The following C2CD5 variants were observed in gnomAD, a reference collection of about 807,000 sequenced individuals.
The protein encoded by C2CD5 is C2 domain-containing protein 5.
In C2CD5, 109 loss-of-function variants were observed where a neutral mutation model predicts 130.3. The observed-to-expected ratio is 0.84, with a 90% CI of 0.72 to 0.98. The LOEUF is 0.98. Among genes scored for constraint, C2CD5 ranks in the 50% least tolerant of loss-of-function variants. The probability of loss-of-function intolerance (pLI) is 0.00; values close to 1 mark genes in which losing one functional copy is unlikely to be tolerated. For missense variants in C2CD5, 996 were observed against 1,261.8 expected, an observed-to-expected ratio of 0.79 and a Z score of 3.19; for synonymous variants, 454 against 429.2, an observed-to-expected ratio of 1.06 and a Z score of -0.71.
At chr12:22,513,416 G>A (rs1591932473) in intron 8 of C2CD5, 37 bp from the exon 9 acceptor site, 1 of 1,330,912 alleles carries the variant, frequency 7.5e-7, no homozygotes, top group Non-Finnish European at 1.1e-6. Flanking sequence ...AACCAAAAAA[G>A]CAACTATAGA....
intron 10 of C2CD5, among the ~76,000 whole-genome samples, chr12:22,500,982 G>C (rs1472362636): frequency 1.3e-5 from 2 of 151,972 alleles, no homozygotes. Context: ...CTACATATGA[G>C]AGCAATGGCT....
rs770746316 is a variant in C2CD5, at chr12:22,482,781, T to A, written c.1551-38A>T. 6.1e-6 allele frequency: 9 copies of A among 1,483,002 alleles called. No individual in the cohort carries two copies. In the Admixed American group the frequency reaches 1.7e-4, roughly 27 times the overall value. 91.9% of individuals were successfully genotyped at this position (1,483,002 alleles called of 1,614,324 possible). ...ATAAGTCAGTGAACAGTATTCTTGGTACCACCTTTAAAAATGTCCAAATTT... is the reference window on the plus strand; with the variant it reads ...ATAAGTCAGTGAACAGTATTCTTGGAACCACCTTTAAAAATGTCCAAATTT... On this transcript the variant is annotated intron_variant, in intron 13 of 26. Coordinates refer to ENST00000446597, the MANE Select transcript of C2CD5 (RefSeq NM_001286176.2).
chr12:22,493,423 G>A (rs1946612936), intron 10 of C2CD5, 86 bp from the exon 11 acceptor site: 1 of 639,212 alleles, frequency 1.6e-6, no homozygotes, highest in African/African-American at 1.9e-5. Context: ...CATACTATGG[G>A]AAGTAAAGAA....
intron 9 of C2CD5, chr12:22,512,660 A>G: frequency 1.3e-6 from 2 of 1,498,524 alleles, no homozygotes; most frequent in Non-Finnish European, 8.9e-7. Flanking sequence ...CCTTCTACAG[A>G]ACCTATGAGG....
intron 7 of C2CD5, among the ~76,000 whole-genome samples, chr12:22,518,551 A>G (rs1949982552): frequency 1.3e-5 from 2 of 152,190 alleles, no homozygotes; most frequent in Non-Finnish European, 2.9e-5. Flanking sequence ...CCTCAAAAGA[A>G]AAAAATGTTT....
intron 2 of C2CD5, among the ~76,000 whole-genome samples, chr12:22,536,039 A>T (rs1436648474): frequency 6.6e-6 from 1 of 152,152 alleles, no homozygotes; most frequent in African/African-American, 2.4e-5. Context: ...ATGGTAAAGC[A>T]ACACAATGTA....
intron 22 of C2CD5, among the ~76,000 whole-genome samples, chr12:22,466,834 A>G (rs187220267): frequency 1.3e-4 from 20 of 152,378 alleles, no homozygotes; most frequent in Admixed American, 8.5e-4. Context: ...CTTAGTATAG[A>G]AAGTTTTACA....
At chr12:22,503,126 G>C (rs1399606719) in intron 10 of C2CD5, among the ~76,000 whole-genome samples, 1 of 152,148 alleles carries the variant, frequency 6.6e-6, no homozygotes, top group Non-Finnish European at 1.5e-5. Flanking sequence ...ATAATCCATA[G>C]TTAGCAGGTG....
chr12:22,508,582 T>C (rs1948838842), intron 9 of C2CD5, among the ~76,000 whole-genome samples: 1 of 152,182 alleles, frequency 6.6e-6, no homozygotes, highest in African/African-American at 2.4e-5. Context: ...CGAATGGATT[T>C]ATTGTTAGGC....
At chr12:22,485,444 C>A (rs1394084669) in intron 12 of C2CD5, among the ~76,000 whole-genome samples, 1 of 150,506 alleles carries the variant, frequency 6.6e-6, no homozygotes. Flanking sequence ...TTTCATGTAC[C>A]CTATAAATAT....
chr12:22,489,068 G>A (rs2136410312), intron 12 of C2CD5, among the ~76,000 whole-genome samples: 1 of 151,714 alleles, frequency 6.6e-6, no homozygotes, highest in South Asian at 2.1e-4. Context: ...TGGAGACGGG[G>A]TTTCACCATG....
chr12:22,473,316 C>T (rs1198770928), intron 16 of C2CD5, among the ~76,000 whole-genome samples: 1 of 152,150 alleles, frequency 6.6e-6, no homozygotes, highest in South Asian at 2.1e-4. Context: ...GCTGGACAGG[C>T]GCTGACATTC....
chr12:22,527,029 T>C (rs1209216822), intron 4 of C2CD5, among the ~76,000 whole-genome samples: 3 of 152,190 alleles, frequency 2.0e-5, no homozygotes, highest in Non-Finnish European at 2.9e-5. Context: ...GGCATGTGCC[T>C]GCAATGGCAT....
intron 4 of C2CD5, among the ~76,000 whole-genome samples, chr12:22,527,315 T>TAC (rs1445484555): frequency 8.9e-5 from 12 of 134,386 alleles, no homozygotes; most frequent in Admixed American, 4.2e-4. Context: ...ATATATTATA[T>TAC]ACATATATAT....
chr12:22,496,468 G>A (rs138251014), intron 10 of C2CD5, among the ~76,000 whole-genome samples: 11 of 152,012 alleles, frequency 7.2e-5, no homozygotes, highest in African/African-American at 2.6e-4. Flanking sequence ...CACATGAAAT[G>A]ATACAATTTA....
At chr12:22,520,227 T>C (rs1380205713) in intron 7 of C2CD5, among the ~76,000 whole-genome samples, 1 of 152,174 alleles carries the variant, frequency 6.6e-6, no homozygotes, top group Non-Finnish European at 1.5e-5. Flanking sequence ...ATGAATCATA[T>C]GTGAGTACAC....
chr12:22,536,463 T>G (rs1332353308), intron 2 of C2CD5, among the ~76,000 whole-genome samples: 1 of 152,184 alleles, frequency 6.6e-6, no homozygotes. Context: ...CAGAAGTACT[T>G]TCACATAAGC....
At chr12:22,454,171 T>C in intron 25 of C2CD5, 129 bp from the exon 26 acceptor site, 3 of 680,658 alleles carry the variant, frequency 4.4e-6, no homozygotes, top group Non-Finnish European at 7.0e-6. Flanking sequence ...AACTTAAACT[T>C]CCCTCACAAT....
At chr12:22,451,674 C>T (rs968828247) in intron 26 of C2CD5, among the ~76,000 whole-genome samples, 4 of 148,506 alleles carry the variant, frequency 2.7e-5, no homozygotes, top group Admixed American at 6.8e-5. Context: ...ATCAACACTA[C>T]AAAGTACTAG....
Sources: allele counts gnomAD v4.1 joint callset (sites outside exome capture counted in the v4.1 genomes callset), GRCh38; gene constraint gnomAD v4.1.1; transcripts MANE v1.5; gene names NCBI Gene and HGNC (gene_info 2026-07-23, HGNC 2026-07-21).